The following HSP90AA1 variants were observed in gnomAD, a reference collection of about 807,000 sequenced individuals.
HSP90AA1 encodes heat shock protein 90 alpha family class A member 1.
Under a neutral mutation model 73.3 loss-of-function variants are expected in HSP90AA1, and 18 were observed. The observed-to-expected ratio is 0.25, with a 90% CI of 0.17 to 0.36. HSP90AA1 has a LOEUF of 0.36. Among genes scored for constraint, HSP90AA1 ranks in the 10% least tolerant of loss-of-function variants. The pLI is 1.00. For synonymous variants in HSP90AA1, 477 were observed against 296.9 expected (o/e 1.61, Z -6.24); for missense variants, 704 against 874.2 (o/e 0.81, Z 2.45).
rs35077536 is a variant in HSP90AA1, at chr14:102,083,749, A to C, written c.1338+44T>G. ...TTCTGAATTAAAAAAAAAAAAAAAA[A>C]ACTAAAGAGGCCAATTGGAAAACTA... On this transcript the variant is annotated intron_variant, in intron 7 of 10. Coordinates refer to ENST00000216281, the MANE Select transcript of HSP90AA1 (RefSeq NM_005348.4). 4,769 of 1,576,764 alleles carry C rather than the reference A, an allele frequency of 3.0e-3. 130 individuals carry two copies. In the African/African-American group the frequency reaches 0.057, roughly 19 times the overall value.
At chr14:102,088,823 C>T (rs925420609), upstream of HSP90AA1, among the ~76,000 whole-genome samples, 13 of 152,230 alleles carry the variant, frequency 8.5e-5, no homozygotes, top group African/African-American at 3.1e-4. Context: ...ACTTTTCCTA[C>T]CGCAGTTTCT....
upstream of HSP90AA1, among the ~76,000 whole-genome samples, chr14:102,091,647 G>A (rs2049359944): frequency 6.6e-6 from 1 of 151,788 alleles, no homozygotes; most frequent in Non-Finnish European, 1.5e-5. Context: ...AACAAAAAAA[G>A]AGACAGTCTC....
chr14:102,130,237 G>A (rs1238687174), intron 1 of HSP90AA1, among the ~76,000 whole-genome samples: 1 of 152,118 alleles, frequency 6.6e-6, no homozygotes, highest in Admixed American at 6.6e-5. Context: ...CCAAAACGCT[G>A]GGATTACAGA....
chr14:102,128,630 G>GA (rs34691938), intron 1 of HSP90AA1, among the ~76,000 whole-genome samples: 69,104 of 106,914 alleles, frequency 0.65, 22,885 homozygotes, highest in East Asian at 0.9. Flanking sequence ...CTCCGTCTCG[G>GA]AAAAAAAAAA....
chr14:102,095,213 G>A (rs35138119), intron 2 of HSP90AA1, among the ~76,000 whole-genome samples: 12,778 of 152,222 alleles, frequency 0.084, 906 homozygotes, highest in African/African-American at 0.19. Context: ...GCACAAAGAC[G>A]GTTCCCAGGA....
At chr14:102,090,755 C>T (rs962104970), upstream of HSP90AA1, among the ~76,000 whole-genome samples, 3 of 152,196 alleles carry the variant, frequency 2.0e-5, no homozygotes, top group Non-Finnish European at 4.4e-5. Flanking sequence ...CTGGCCTCAA[C>T]AACGTATTTC....
rs760685946 is a variant in HSP90AA1 at position 102,084,412 on chromosome 14, G to A, written c.1134C>T (p.Ile378=). ...VFIMDNCEEL[I]PEYLNFIRGV... ...ATCTATACTTACTCAGATATTCAGG[G>A]ATTAGCTCCTCACAGTTATCCATGA... The change falls in exon 6 of 11, where the codon ATC becomes ATT. Residue 378 remains isoleucine (I), a synonymous_variant. Transcript: ENST00000216281. The A allele has an allele frequency of 7.4e-6, 12 of 1,611,914 alleles. No individual in the cohort carries two copies. In the East Asian group the frequency reaches 8.9e-5, roughly 12 times the overall value.
Position 102,139,207 on chromosome 14 carries a change from G to A in HSP90AA1, c.155+43C>T, listed in dbSNP as rs751489322. On this transcript the variant is annotated intron_variant, in intron 1 of 11. Coordinates refer to the HSP90AA1 transcript ENST00000334701. ...ATTCTTCTCTCCCCCTACCCCGCCT[G>A]AAATAAAACATAGTGAAGCGTAAAT... 7 of 1,611,400 alleles carry A rather than the reference G, an allele frequency of 4.3e-6. No individual in the cohort carries two copies. The East Asian group carries it at 1.6e-4, about 36-fold the overall frequency.
At chr14:102,134,376 G>A (rs914689168) in intron 1 of HSP90AA1, among the ~76,000 whole-genome samples, 4 of 150,606 alleles carry the variant, frequency 2.7e-5, no homozygotes, top group Non-Finnish European at 5.9e-5. Context: ...GACTGGAATG[G>A]AGAATTTATG....
At chr14:102,093,012 T>C (rs1248269806) in intron 2 of HSP90AA1, among the ~76,000 whole-genome samples, 1 of 152,086 alleles carries the variant, frequency 6.6e-6, no homozygotes, top group Non-Finnish European at 1.5e-5. Flanking sequence ...CCCAAAATGC[T>C]GGGGTTACGG....
chr14:102,084,642 A>ACC, intron 5 of HSP90AA1, 39 bp downstream of exon 5: 2 of 1,614,124 alleles, frequency 1.2e-6, no homozygotes, highest in Non-Finnish European at 1.7e-6. Context: ...GAAAGATGAT[A>ACC]ATCTAAGGAC....
intron 4 of HSP90AA1, 70 bp downstream of exon 4, chr14:102,085,228 T>C (rs1346277420): frequency 1.3e-6 from 2 of 1,519,074 alleles, no homozygotes; most frequent in South Asian, 1.1e-5. Context: ...ATCTAGGGAC[T>C]AAGGATGTAG....
chr14:102,114,022 A>G (rs574082335), intron 1 of HSP90AA1, among the ~76,000 whole-genome samples: 1 of 139,958 alleles, frequency 7.1e-6, no homozygotes, highest in African/African-American at 2.6e-5. Context: ...CATTTATTTT[A>G]TTTATTTATT....
intron 1 of HSP90AA1, among the ~76,000 whole-genome samples, chr14:102,126,505 A>C (rs962511831): frequency 6.6e-6 from 1 of 151,962 alleles, no homozygotes; most frequent in Non-Finnish European, 1.5e-5. Flanking sequence ...GTAGATACTG[A>C]CTGCATCCTC....
chr14:102,104,549 A>G (rs1381282243), intron 1 of HSP90AA1, among the ~76,000 whole-genome samples: 3 of 152,106 alleles, frequency 2.0e-5, no homozygotes, highest in Non-Finnish European at 1.5e-5. Flanking sequence ...GTAATGTGCA[A>G]TGACCAAATC....
chr14:102,115,955 C>CTTT (rs369667667), intron 1 of HSP90AA1, among the ~76,000 whole-genome samples: 2 of 142,074 alleles, frequency 1.4e-5, no homozygotes, highest in East Asian at 2.0e-4. Context: ...GACCGAGCAT[C>CTTT]TTTTTTTTTT....
rs992180629 is a variant in HSP90AA1 at position 102,085,127 on chromosome 14, A to G, written c.664-129T>C. On this transcript the variant is annotated intron_variant, in intron 4 of 10. Transcript: ENST00000216281. The stretch of plus-strand genomic sequence containing the variant: ...TTGAGAAGCACCCAGCTTTTCATCA[A>G]TATTTGATACATCCACTTAATAGCC... 44 of 1,514,942 alleles carry G rather than the reference A, an allele frequency of 2.9e-5. No homozygotes were observed. The Admixed American group carries it at 6.6e-4, about 23-fold the overall frequency. 93.8% of individuals were successfully genotyped at this position (1,514,942 alleles called of 1,614,324 possible). A position where few individuals can be genotyped will look rare whatever the true frequency, so the allele number is the denominator to read the frequency against.
intron 1 of HSP90AA1, among the ~76,000 whole-genome samples, chr14:102,115,866 C>T (rs1243702001): frequency 1.3e-5 from 2 of 152,114 alleles, no homozygotes; most frequent in African/African-American, 4.8e-5. Flanking sequence ...GCCTCAGCCT[C>T]CTGAGTGGGT....
chr14:102,082,477 A>G (rs762357026), intron 9 of HSP90AA1, 33 bp from the exon 10 acceptor site: 25 of 1,531,156 alleles, frequency 1.6e-5, no homozygotes, highest in Non-Finnish European at 2.1e-5. Context: ...AGGAACCTAG[A>G]AAGATTAATT....
Sources: gnomAD v4.1 joint callset for allele counts (sites outside exome capture counted in the v4.1 genomes callset) on GRCh38, gnomAD v4.1.1 for gene constraint, MANE v1.5 for transcripts, NCBI Gene and HGNC (gene_info 2026-07-23, HGNC 2026-07-21) for gene names.